Variants in SEC11A observed in about 807,000 individuals in gnomAD.
SEC11A encodes the protein signal peptidase complex catalytic subunit SEC11A.
SEC11A carries 14 observed loss-of-function variants against 25.6 expected under a neutral mutation model. The ratio of observed to expected loss-of-function variants is 0.55; its 90% CI spans 0.36 to 0.85. The LOEUF (loss-of-function observed/expected upper bound fraction) is 0.85. Among genes scored for constraint, SEC11A ranks in the 40% least tolerant of loss-of-function variants. The pLI is 0.01. For synonymous variants in SEC11A, 83 were observed against 76.4 expected (o/e 1.09, Z -0.45); for missense variants, 153 against 222.9 (o/e 0.69, Z 2.00).
chr15:84,703,256 G>T (rs1037478010), intron 1 of SEC11A, among the ~76,000 whole-genome samples: 1 of 152,152 alleles, frequency 6.6e-6, no homozygotes, highest in African/African-American at 2.4e-5. Context: ...TGCACCGGAT[G>T]CCTGGACGCT....
intron 1 of SEC11A, among the ~76,000 whole-genome samples, chr15:84,694,355 A>ATC (rs1897697150): frequency 6.6e-6 from 1 of 151,902 alleles, no homozygotes; most frequent in Non-Finnish European, 1.5e-5. Context: ...ACTCTCTCAA[A>ATC]AAAAAAAAGG....
At chr15:84,696,777 A>G (rs12911736) in intron 1 of SEC11A, among the ~76,000 whole-genome samples, 31,211 of 152,110 alleles carry the variant, frequency 0.21, 3,920 homozygotes, top group Middle Eastern at 0.36. Context: ...ACAAAAACCC[A>G]CAGTTCACGT....
At chr15:84,697,521 G>A (rs1897803158) in intron 1 of SEC11A, among the ~76,000 whole-genome samples, 1 of 152,118 alleles carries the variant, frequency 6.6e-6, no homozygotes, top group South Asian at 2.1e-4. Flanking sequence ...ATACTGCTAA[G>A]TCAATCTGCA....
chr15:84,711,799 A>G (rs1045470860), intron 1 of SEC11A, among the ~76,000 whole-genome samples: 19 of 151,218 alleles, frequency 1.3e-4, no homozygotes, highest in African/African-American at 2.7e-4. Context: ...AAAAAAAAAA[A>G]AAGAAGCCGT....
chr15:84,681,239 T>C (rs1475232198), intron 3 of SEC11A, among the ~76,000 whole-genome samples: 1 of 152,218 alleles, frequency 6.6e-6, no homozygotes, highest in Non-Finnish European at 1.5e-5. Flanking sequence ...AGGATATAAT[T>C]GGCAAGATAC....
At chr15:84,706,893 T>C (rs1199163737) in intron 1 of SEC11A, among the ~76,000 whole-genome samples, 1 of 152,222 alleles carries the variant, frequency 6.6e-6, no homozygotes, top group Non-Finnish European at 1.5e-5. Context: ...AAGGTCACTG[T>C]AGTTAGAGAT....
chr15:84,699,556 G>A (rs147549977), intron 1 of SEC11A, among the ~76,000 whole-genome samples: 22 of 152,154 alleles, frequency 1.4e-4, no homozygotes, highest in African/African-American at 5.1e-4. Context: ...CTTATAGATC[G>A]GAGAATTTCC....
chr15:84,707,945 C>T (rs1248868152), intron 1 of SEC11A, among the ~76,000 whole-genome samples: 1 of 152,130 alleles, frequency 6.6e-6, no homozygotes, highest in African/African-American at 2.4e-5. Flanking sequence ...TAGTGGCTCA[C>T]ATCTGTAATC....
intron 1 of SEC11A, among the ~76,000 whole-genome samples, chr15:84,709,569 A>G (rs1397838773): frequency 6.6e-6 from 1 of 151,796 alleles, no homozygotes; most frequent in Non-Finnish European, 1.5e-5. Flanking sequence ...CAGCCTCCCA[A>G]GTAGCTGGGA....
chr15:84,698,663 T>TAAATCTTTAAAATCTGAC lies in SEC11A; in HGVS notation c.52-7020_52-7019insGTCAGATTTTAAAGATTT, dbSNP rs572075066. ...AACAATTTTCACTTTAAAAATCTGT[T>TAAATCTTTAAAATCTGAC]AAATCTTTTAAAATCTGACAAGTGA... On this transcript the variant is annotated intron_variant, in intron 1 of 5. Transcript: ENST00000268220. Among the ~76,000 whole-genome samples the TAAATCTTTAAAATCTGAC allele has an allele frequency of 7.2e-5, 11 of 152,340 alleles. No individual in the cohort carries two copies. In the South Asian group the frequency reaches 2.3e-3, roughly 32 times the overall value.
chr15:84,679,831 T>G (rs1867281185), intron 4 of SEC11A: 2 of 784,176 alleles, frequency 2.6e-6, no homozygotes. Context: ...AGAATGAGTC[T>G]CTGGTACACA....
intron 2 of SEC11A, among the ~76,000 whole-genome samples, chr15:84,690,236 G>A (rs574055141): frequency 3.9e-5 from 6 of 152,214 alleles, no homozygotes; most frequent in Admixed American, 6.5e-5. Context: ...TAAGTCTCAC[G>A]AGATCTGATG....
rs376219063 is a variant in SEC11A, at chr15:84,670,047, C to G, written c.512G>C (p.Gly171Ala). Residue 171 changes from glycine to alanine, a missense_variant, in exon 6 of 6, where the codon GGT (glycine) becomes GCT (alanine). Coordinates refer to ENST00000268220, the MANE Select transcript of SEC11A (RefSeq NM_014300.4). The stretch of plus-strand genomic sequence containing the variant: ...CTCACGATGAACCAGCACGAATAAA[C>G]CCAGCAAAAAGAGAACTGCATACTA... ...KFKYAVLFLLGLFVLVHRE is the reference protein window; with the variant it reads ...KFKYAVLFLLALFVLVHRE The G allele has an allele frequency of 4.8e-5, 78 of 1,613,348 alleles. No individual in the cohort carries two copies. Among genetic ancestry groups the G allele is most frequent in the Non-Finnish European group, 6.3e-5 (74 of 1,179,618 alleles).
At chr15:84,685,261 C>CT (rs1263948217) in intron 3 of SEC11A, among the ~76,000 whole-genome samples, 6 of 151,746 alleles carry the variant, frequency 4.0e-5, no homozygotes, top group Non-Finnish European at 8.8e-5. Flanking sequence ...TTTTTCTTTT[C>CT]TTTTTTCTTT....
In SEC11A at chr15:84,707,181, C is replaced by CTT. The variant is rs35694643; in HGVS notation, c.51+8842_51+8843dup. ...CAGCTTCTCCTACAATTGTGTGAGA[C>CTT]TTTTTTTTTTTTTTTTTTTTTTTGA... On this transcript the variant is annotated intron_variant, in intron 1 of 5. Coordinates refer to ENST00000268220, the MANE Select transcript of SEC11A (RefSeq NM_014300.4). Among the ~76,000 whole-genome samples, 870 of 91,626 alleles carry CTT rather than the reference C, an allele frequency of 9.5e-3. 1 individual carries two copies. Among genetic ancestry groups the CTT allele is most frequent in the African/African-American group, 0.012 (290 of 24,566 alleles). The allele number at this position is 91,626 out of a possible 152,430, so 60.1% of individuals were successfully genotyped here.
At chr15:84,687,286 T>C (rs1192434776) in intron 3 of SEC11A, among the ~76,000 whole-genome samples, 1 of 152,230 alleles carries the variant, frequency 6.6e-6, no homozygotes, top group African/African-American at 2.4e-5. Context: ...AGTACTGGGA[T>C]TGTAGGCGTG....
intron 4 of SEC11A, chr15:84,671,861 A>G (rs560148508): frequency 2.0e-5 from 3 of 152,312 alleles, no homozygotes; most frequent in African/African-American, 7.2e-5. Context: ...TCTCCATGCA[A>G]AAGACTACTT....
chr15:84,705,842 G>A (rs1250103546), intron 1 of SEC11A, among the ~76,000 whole-genome samples: 2 of 151,386 alleles, frequency 1.3e-5, no homozygotes, highest in African/African-American at 4.8e-5. Context: ...GCAAGAGAGC[G>A]AGATTCCATC....
chr15:84,710,388 C>G (rs1005543045), intron 1 of SEC11A, among the ~76,000 whole-genome samples: 1 of 152,232 alleles, frequency 6.6e-6, no homozygotes, highest in South Asian at 2.1e-4. Context: ...AATCCCAACA[C>G]TTTGGGAGGC....
Sources: allele counts gnomAD v4.1 joint callset (sites outside exome capture counted in the v4.1 genomes callset), GRCh38; gene constraint gnomAD v4.1.1; transcripts MANE v1.5; gene names NCBI Gene and HGNC (gene_info 2026-07-23, HGNC 2026-07-21).